SLC28A3: variants seen among roughly 807,000 people sequenced by gnomAD.
SLC28A3 encodes solute carrier family 28 member 3.
Under a neutral mutation model 84.2 loss-of-function variants are expected in SLC28A3, and 68 were observed. That is an observed-to-expected ratio of 0.81 (90% CI 0.66 to 0.99). The LOEUF (loss-of-function observed/expected upper bound fraction) is 0.99. Among genes scored for constraint, SLC28A3 ranks in the 50% least tolerant of loss-of-function variants. The pLI, the probability that SLC28A3 is intolerant of heterozygous loss-of-function variation, is 0.00. For missense variants in SLC28A3, 712 were observed against 841.5 expected, an observed-to-expected ratio of 0.85 and a Z score of 1.90; for synonymous variants, 267 against 303.6, an observed-to-expected ratio of 0.88 and a Z score of 1.25.
intron 11 of SLC28A3, among the ~76,000 whole-genome samples, chr9:84,289,039 C>A (rs1169853403): frequency 6.6e-6 from 1 of 152,140 alleles, no homozygotes; most frequent in South Asian, 2.1e-4. Context: ...TTCTTTATTG[C>A]AGGTCCACTC....
At chr9:84,324,046 C>A (rs1172632005) in intron 1 of SLC28A3, among the ~76,000 whole-genome samples, 1 of 152,150 alleles carries the variant, frequency 6.6e-6, no homozygotes, top group Non-Finnish European at 1.5e-5. Context: ...TGTAGGGGAA[C>A]AAGGAAATGA....
chr9:84,354,788 A>T, the SLC28A3 span, among the ~76,000 whole-genome samples: 2 of 152,136 alleles, frequency 1.3e-5, no homozygotes, highest in Non-Finnish European at 2.9e-5. Flanking sequence ...CAGAGGTTGC[A>T]GTGAGTCTAG....
intron 2 of SLC28A3, among the ~76,000 whole-genome samples, chr9:84,311,299 A>G (rs1825979572): frequency 6.6e-6 from 1 of 152,184 alleles, no homozygotes; most frequent in Non-Finnish European, 1.5e-5. Flanking sequence ...TTAAAAGAGC[A>G]GTTTTAAGTT....
At chr9:84,356,894 G>T in the SLC28A3 span, among the ~76,000 whole-genome samples, 1 of 151,888 alleles carries the variant, frequency 6.6e-6, no homozygotes. Flanking sequence ...ACTGAGACCC[G>T]CCCTGATTCT....
At chr9:84,315,234 A>G (rs1172580713) in intron 1 of SLC28A3, among the ~76,000 whole-genome samples, 3 of 152,196 alleles carry the variant, frequency 2.0e-5, no homozygotes, top group South Asian at 4.1e-4. Context: ...CCTTAATACT[A>G]AGTTAAAAAT....
intron 14 of SLC28A3, 120 bp from the exon 15 acceptor site, chr9:84,281,002 G>A: frequency 1.1e-6 from 1 of 896,942 alleles, no homozygotes. Flanking sequence ...CACAGTCCAT[G>A]GTATCAAATA....
Position 84,305,327 on chromosome 9 carries a change from A to G in SLC28A3, c.261T>C (p.Tyr87=), listed in dbSNP as rs537612378. 4 of 1,613,362 alleles carry G rather than the reference A, an allele frequency of 2.5e-6. No homozygotes were observed. The highest frequency in any genetic ancestry group is 1.3e-5 in the African/African-American group (1 of 74,986). ...MQQKGCLERR[Y]DTVCGFCRKH... ...TCCTACAGAAACCACATACTGTGTC[A>G]TACCTCCTTTCCAAACACCTGCAAC... The change falls in exon 4 of 18, where the codon TAT becomes TAC. Residue 87 remains tyrosine (Y), a synonymous_variant. Coordinates refer to ENST00000376238, the MANE Select transcript of SLC28A3 (RefSeq NM_001199633.2).
the SLC28A3 span, among the ~76,000 whole-genome samples, chr9:84,348,725 G>C: frequency 6.6e-6 from 1 of 152,314 alleles, no homozygotes; most frequent in South Asian, 2.1e-4. Flanking sequence ...TATCTGAGGA[G>C]TGGGTTAGTT....
chr9:84,333,256 A>G (rs1399769610), intron 1 of SLC28A3, among the ~76,000 whole-genome samples: 2 of 152,220 alleles, frequency 1.3e-5, no homozygotes, highest in Admixed American at 1.3e-4. Flanking sequence ...AAGATAAGTT[A>G]TCAATTACAT....
chr9:84,327,582 A>G (rs956025520), intron 1 of SLC28A3, among the ~76,000 whole-genome samples: 1 of 151,942 alleles, frequency 6.6e-6, no homozygotes, highest in Non-Finnish European at 1.5e-5. Flanking sequence ...CCAAAGTCCA[A>G]CTCTCAGATA....
At chr9:84,304,159 G>A (rs1197907876) in intron 4 of SLC28A3, among the ~76,000 whole-genome samples, 3 of 152,256 alleles carry the variant, frequency 2.0e-5, no homozygotes, top group Non-Finnish European at 2.9e-5. Flanking sequence ...GTCTACTTAT[G>A]TATTGTTTAT....
intron 1 of SLC28A3, among the ~76,000 whole-genome samples, chr9:84,321,064 G>C (rs1826359968): frequency 6.6e-6 from 1 of 151,894 alleles, no homozygotes; most frequent in Non-Finnish European, 1.5e-5. Flanking sequence ...AAAAGTTCAA[G>C]GTGCTACTTC....
the SLC28A3 span, among the ~76,000 whole-genome samples, chr9:84,365,972 C>A: frequency 6.6e-6 from 1 of 152,158 alleles, no homozygotes; most frequent in South Asian, 2.1e-4. Flanking sequence ...ATTGCTTGAA[C>A]CCAGGAGGCA....
intron 1 of SLC28A3, among the ~76,000 whole-genome samples, chr9:84,313,868 GAA>G (rs754131148): frequency 1.4e-4 from 18 of 125,518 alleles, no homozygotes; most frequent in Admixed American, 3.4e-4. Flanking sequence ...GACTCTACCT[GAA>G]AAAAAAAAAA....
chr9:84,304,930 G>T (rs1053136474), intron 4 of SLC28A3, among the ~76,000 whole-genome samples: 1 of 152,184 alleles, frequency 6.6e-6, no homozygotes, highest in African/African-American at 2.4e-5. Flanking sequence ...GCTGAGGCAG[G>T]AGAATCACTT....
intron 3 of SLC28A3, among the ~76,000 whole-genome samples, chr9:84,308,419 G>A (rs577378715): frequency 4.1e-4 from 63 of 152,054 alleles, no homozygotes; most frequent in Non-Finnish European, 6.8e-4. Context: ...GATGGTGCAT[G>A]CCTGTAATCC....
intron 1 of SLC28A3, among the ~76,000 whole-genome samples, chr9:84,325,205 T>G (rs1826511849): frequency 6.6e-6 from 1 of 152,154 alleles, no homozygotes; most frequent in Non-Finnish European, 1.5e-5. Flanking sequence ...TTTTATTTAT[T>G]TTTTTAATGG....
At chr9:84,285,884 ATT>A in intron 13 of SLC28A3, 57 bp downstream of exon 13, 1 of 1,540,884 alleles carries the variant, frequency 6.5e-7, no homozygotes, top group South Asian at 1.2e-5. Flanking sequence ...AACCTATTTT[ATT>A]TTTAAACAAA....
At chr9:84,296,187 A>T (rs1451042874) in intron 8 of SLC28A3, among the ~76,000 whole-genome samples, 1 of 152,220 alleles carries the variant, frequency 6.6e-6, no homozygotes, top group Non-Finnish European at 1.5e-5. Context: ...CTCACTCTAT[A>T]AACATTTGGC....
Sources: allele counts gnomAD v4.1 joint callset (sites outside exome capture counted in the v4.1 genomes callset), GRCh38; gene constraint gnomAD v4.1.1; transcripts MANE v1.5; gene names NCBI Gene and HGNC (gene_info 2026-07-23, HGNC 2026-07-21).